The following ULK4 variants were observed in gnomAD, a reference collection of about 807,000 sequenced individuals.
ULK4 encodes inactive serine/threonine-protein kinase ULK4.
ULK4 carries 133 observed loss-of-function variants against 160.6 expected under a neutral mutation model. The ratio of observed to expected loss-of-function variants is 0.83; its 90% CI spans 0.72 to 0.96. The LOEUF (loss-of-function observed/expected upper bound fraction) is 0.96. ULK4 is among the 40% of genes least tolerant of loss of function. The pLI is 0.00. For synonymous variants in ULK4, 534 were observed against 539.8 expected (o/e 0.99, Z 0.15); for missense variants, 1,580 against 1,499.5 (o/e 1.05, Z -0.89).
chr3:41,344,710 G>A (rs2080760664), intron 35 of ULK4, among the ~76,000 whole-genome samples: 1 of 126,602 alleles, frequency 7.9e-6, no homozygotes, highest in African/African-American at 3.1e-5. Flanking sequence ...CCGCGGTCAT[G>A]ATATTGTACT....
At chr3:41,458,006 T>TA (rs956859904) in intron 33 of ULK4, among the ~76,000 whole-genome samples, 3 of 152,046 alleles carry the variant, frequency 2.0e-5, no homozygotes, top group Non-Finnish European at 4.4e-5. Flanking sequence ...ATGTGGGATA[T>TA]AAAAAAAGAG....
At chr3:41,274,246 G>C (rs1229052036) in intron 35 of ULK4, among the ~76,000 whole-genome samples, 1 of 152,096 alleles carries the variant, frequency 6.6e-6, no homozygotes, top group Non-Finnish European at 1.5e-5. Context: ...AGGCAGGAGG[G>C]TAAATTTGGG....
intron 31 of ULK4, among the ~76,000 whole-genome samples, chr3:41,571,983 TAA>T (rs2087993111): frequency 6.6e-6 from 1 of 152,182 alleles, no homozygotes. Context: ...ACAGCACTGA[TAA>T]CGTATTGAGA....
intron 21 of ULK4, among the ~76,000 whole-genome samples, chr3:41,773,542 C>T (rs1389875931): frequency 1.3e-5 from 2 of 152,082 alleles, no homozygotes; most frequent in African/African-American, 2.4e-5. Context: ...TCAAGGAGAA[C>T]TACAAACCAC....
intron 35 of ULK4, among the ~76,000 whole-genome samples, chr3:41,316,032 T>TCA (rs1260777760): frequency 6.6e-6 from 1 of 152,090 alleles, no homozygotes; most frequent in Non-Finnish European, 1.5e-5. Context: ...GGAATTCCAG[T>TCA]CACAGGTATG....
chr3:41,464,554 T>G (rs911680589), intron 32 of ULK4, among the ~76,000 whole-genome samples: 4 of 152,220 alleles, frequency 2.6e-5, no homozygotes, highest in African/African-American at 9.6e-5. Context: ...GCATGTGCAC[T>G]GCACCACCAG....
intron 8 of ULK4, among the ~76,000 whole-genome samples, chr3:41,913,689 G>A (rs941228586): frequency 1.3e-5 from 2 of 152,172 alleles, no homozygotes; most frequent in African/African-American, 4.8e-5. Context: ...CAGCCCAGGT[G>A]TAGTGGCTCA....
intron 32 of ULK4, among the ~76,000 whole-genome samples, chr3:41,550,355 A>G (rs1043677262): frequency 3.9e-5 from 6 of 152,086 alleles, no homozygotes; most frequent in Non-Finnish European, 8.8e-5. Context: ...TAGCTGAGTG[A>G]ATTTTAAAAA....
Position 41,681,786 on chromosome 3 carries a change from G to A in ULK4, c.2800C>T (p.Pro934Ser), listed in dbSNP as rs1476642299. Residue 934 changes from proline to serine, a missense_variant, in exon 28 of 37, where the codon CCA (proline) becomes TCA (serine). By Grantham distance (74) the Pro-to-Ser change is moderately conservative. Coordinates refer to ENST00000301831, the MANE Select transcript of ULK4 (RefSeq NM_017886.4). ...YRSTVVDYIL[P>S]PLVSLVQSQN... ...CTTTGAACCAAGGACACCAAGGGTG[G>A]CAGTATATAGTCAACAACCTAAAAG... 1.2e-6 allele frequency: 2 copies of A among 1,613,842 alleles called. No homozygotes were observed. Among genetic ancestry groups the A allele is most frequent in the Admixed American group, 3.3e-5 (2 of 59,970 alleles).
intron 15 of ULK4, among the ~76,000 whole-genome samples, chr3:41,896,265 A>G (rs754933672): frequency 3.0e-4 from 45 of 151,632 alleles, no homozygotes; most frequent in Non-Finnish European, 5.4e-4. Context: ...TTTTATTTTT[A>G]TTTTTTGAGA....
intron 32 of ULK4, among the ~76,000 whole-genome samples, chr3:41,555,231 A>G (rs1485127883): frequency 6.6e-6 from 1 of 152,160 alleles, no homozygotes; most frequent in East Asian, 1.9e-4. Context: ...TAACTACTCA[A>G]TAAAAATGCA....
intron 33 of ULK4, among the ~76,000 whole-genome samples, chr3:41,457,745 A>T (rs1255535512): frequency 6.6e-6 from 1 of 152,150 alleles, no homozygotes; most frequent in African/African-American, 2.4e-5. Context: ...TCCCTGTCAC[A>T]ACATCATGAC....
chr3:41,561,816 T>C (rs908794688), intron 32 of ULK4, among the ~76,000 whole-genome samples: 41 of 152,210 alleles, frequency 2.7e-4, no homozygotes, highest in Non-Finnish European at 5.9e-4. Context: ...AACCAGCTCC[T>C]GGATTCACTG....
intron 35 of ULK4, chr3:41,258,227 G>T (rs9859993): frequency 6.6e-6 from 1 of 151,968 alleles, no homozygotes. Flanking sequence ...CCAAATTATG[G>T]GTCCACTCAA....
At chr3:41,366,595 G>GTA (rs1032149114) in intron 35 of ULK4, among the ~76,000 whole-genome samples, 2 of 150,122 alleles carry the variant, frequency 1.3e-5, no homozygotes, top group African/African-American at 2.5e-5. Flanking sequence ...TACCTATTAT[G>GTA]TATATATACA....
chr3:41,473,992 C>A (rs1010943305), intron 32 of ULK4, among the ~76,000 whole-genome samples: 1 of 151,986 alleles, frequency 6.6e-6, no homozygotes, highest in African/African-American at 2.4e-5. Context: ...ATAGGCAAAA[C>A]AATTGTAAAA....
intron 32 of ULK4, among the ~76,000 whole-genome samples, chr3:41,555,378 T>C (rs2087251591): frequency 6.7e-6 from 1 of 149,506 alleles, no homozygotes; most frequent in South Asian, 2.1e-4. Context: ...CATGAACAGA[T>C]ACTTTTAAAG....
chr3:41,521,023 C>A (rs1276918421), intron 32 of ULK4, among the ~76,000 whole-genome samples: 1 of 152,104 alleles, frequency 6.6e-6, no homozygotes, highest in Non-Finnish European at 1.5e-5. Flanking sequence ...GGAGCTGTGC[C>A]TTTTCCACTA....
At chr3:41,760,482 T>C (rs952746520) in intron 21 of ULK4, among the ~76,000 whole-genome samples, 1 of 152,130 alleles carries the variant, frequency 6.6e-6, no homozygotes, top group Non-Finnish European at 1.5e-5. Flanking sequence ...AATAGCAATA[T>C]TTAGTTATAA....
Sources: allele counts gnomAD v4.1 joint callset (sites outside exome capture counted in the v4.1 genomes callset), GRCh38; gene constraint gnomAD v4.1.1; transcripts MANE v1.5; gene names NCBI Gene and HGNC (gene_info 2026-07-23, HGNC 2026-07-21).